Variants in DNAH7 observed in about 807,000 individuals in gnomAD.
DNAH7 encodes axonemal beta dynein heavy chain 7.
DNAH7 carries 397 observed loss-of-function variants against 444.6 expected under a neutral mutation model. The observed-to-expected ratio is 0.89, with a 90% CI of 0.82 to 0.97. The LOEUF (loss-of-function observed/expected upper bound fraction) is 0.97, where lower values mean the gene tolerates loss of function less well. Ranked by LOEUF, DNAH7 falls within the 50% of genes least tolerant of loss-of-function variation. The pLI is 0.00. For synonymous variants in DNAH7, 1,636 were observed against 1,624.4 expected, an observed-to-expected ratio of 1.01 and a Z score of -0.17; for missense variants, 4,902 against 4,800.8, an observed-to-expected ratio of 1.02 and a Z score of -0.62.
chr2:195,961,297 G>A (rs1313091637), intron 17 of DNAH7, among the ~76,000 whole-genome samples: 1 of 152,044 alleles, frequency 6.6e-6, no homozygotes, highest in Non-Finnish European at 1.5e-5. Context: ...ACAATACATT[G>A]CTATTAGCTG....
At chr2:195,962,820 C>A (rs1691200827) in intron 17 of DNAH7, among the ~76,000 whole-genome samples, 2 of 152,224 alleles carry the variant, frequency 1.3e-5, no homozygotes, top group Admixed American at 6.5e-5. Context: ...TCCATGAGTT[C>A]AATTGTTTTA....
rs764658312 is a variant in DNAH7 at position 195,858,545 on chromosome 2, C to T, written c.7996G>A (p.Asp2666Asn). 50 of 1,613,850 alleles carry T rather than the reference C, an allele frequency of 3.1e-5. No individual in the cohort carries two copies. The highest frequency in any genetic ancestry group is 1.2e-4 in the Admixed American group (7 of 59,924). ...GGCAAGGCACCTGCCAGGTCAGCAT[C>T]GCACTCATCTTTGATGGCTTTGGAA... ...MASKAIKDEC[D>N]ADLAGALPIL... is the part of the protein sequence containing the mutation. Residue 2666 changes from aspartate to asparagine, a missense_variant, in exon 43 of 65, where the codon GAT becomes AAT. Transcript: ENST00000312428.
Position 195,740,585 on chromosome 2 carries a change from ATG to A in DNAH7, c.11868+179_11868+180del, listed in dbSNP as rs71015727. 1.1e-3 allele frequency among the ~76,000 whole-genome samples: 149 copies of A among 132,376 alleles called. 1 individual carries two copies. Among genetic ancestry groups the A allele is most frequent in the African/African-American group, 2.0e-3 (69 of 34,508 alleles). 86.8% of individuals were successfully genotyped at this position (132,376 alleles called of 152,430 possible). ...CATGAATAACAAGAATTGACTGTAT[ATG>A]TGTGTGTGTGTGTGTGTGTGTGTGT... On this transcript the variant is annotated intron_variant, in intron 64 of 64. Transcript: ENST00000312428.
rs534202090 is a variant in DNAH7, at chr2:195,865,183, T to C, written c.6634-162A>G. Among the ~76,000 whole-genome samples, 181 of 152,342 alleles carry C rather than the reference T, an allele frequency of 1.2e-3. 2 individuals carry two copies. The highest frequency in any genetic ancestry group is 4.2e-3 in the African/African-American group (173 of 41,582). On this transcript the variant is annotated intron_variant, in intron 40 of 64. Transcript: ENST00000312428. Reference sequence around the variant, plus strand: ...CAGGACTGATTCACAATAATGTTATTTTAAATGTTAATTTTAACTCTATAT... The same window carrying C: ...CAGGACTGATTCACAATAATGTTATCTTAAATGTTAATTTTAACTCTATAT...
rs749368165 is a variant in DNAH7 at position 195,969,909 on chromosome 2, T to C, written c.2205+39A>G. On this transcript the variant is annotated intron_variant, in intron 17 of 64. Transcript: ENST00000312428. ...TAAAACGAATTCAATGCTTTTTCAA[T>C]TGAACTAATTCATCTTTTTAAGAAT... The C allele has an allele frequency of 2.9e-4, 456 of 1,577,852 alleles. 1 individual carries two copies. The highest frequency in any genetic ancestry group is 2.7e-4 in the Non-Finnish European group (315 of 1,165,574).
intron 19 of DNAH7, among the ~76,000 whole-genome samples, chr2:195,938,209 T>C (rs1192515756): frequency 6.6e-6 from 1 of 152,054 alleles, no homozygotes; most frequent in Non-Finnish European, 1.5e-5. Context: ...AAGAAAATAA[T>C]TATCATTACT....
At chr2:195,928,516 T>C (rs1267852832) in intron 21 of DNAH7, among the ~76,000 whole-genome samples, 2 of 152,286 alleles carry the variant, frequency 1.3e-5, no homozygotes, top group East Asian at 3.9e-4. Context: ...AAAACAGTAA[T>C]GCTATTTGTC....
intron 19 of DNAH7, among the ~76,000 whole-genome samples, chr2:195,945,778 G>C (rs1026552304): frequency 6.6e-6 from 1 of 152,192 alleles, no homozygotes; most frequent in Non-Finnish European, 1.5e-5. Context: ...ACAAGAAAAG[G>C]AAAATGTTTG....
At chr2:196,038,823 C>G (rs1696550463) in intron 5 of DNAH7, among the ~76,000 whole-genome samples, 1 of 152,084 alleles carries the variant, frequency 6.6e-6, no homozygotes. Context: ...GATCAATTCA[C>G]CAAGTAGATC....
chr2:196,006,607 T>C (rs1694391329), intron 10 of DNAH7, among the ~76,000 whole-genome samples: 1 of 150,436 alleles, frequency 6.6e-6, no homozygotes, highest in African/African-American at 2.4e-5. Flanking sequence ...AGAAGTAAAC[T>C]GTCTCTATTT....
At chr2:195,917,062 A>T (rs1385354170) in intron 24 of DNAH7, among the ~76,000 whole-genome samples, 1 of 145,012 alleles carries the variant, frequency 6.9e-6, no homozygotes, top group East Asian at 2.0e-4. Flanking sequence ...AGATTGTGCC[A>T]CGGCACTCCA....
At chr2:195,762,094 G>T (rs1574391408) in intron 61 of DNAH7, among the ~76,000 whole-genome samples, 1 of 152,040 alleles carries the variant, frequency 6.6e-6, no homozygotes, top group East Asian at 1.9e-4. Context: ...AAGCAGGAGG[G>T]ATGAAGGTAA....
rs1692725588 is a variant in DNAH7 at position 195,737,836 on chromosome 2, A to C, written c.*85T>G. On this transcript the variant is annotated 3_prime_UTR_variant, in exon 65 of 65. Coordinates refer to ENST00000312428, the MANE Select transcript of DNAH7 (RefSeq NM_018897.3). Reference sequence around the variant, plus strand: ...TTTAGTCAAATGTATTTAAACAAACAAAAAAAAAGGTTTAAGTAGTAAAAT... The same window carrying C: ...TTTAGTCAAATGTATTTAAACAAACCAAAAAAAAGGTTTAAGTAGTAAAAT... 6.4e-6 allele frequency: 7 copies of C among 1,097,558 alleles called. No individual in the cohort carries two copies. Among genetic ancestry groups the C allele is most frequent in the East Asian group, 5.5e-5 (2 of 36,434 alleles). The allele number at this position is 1,097,558 out of a possible 1,614,324, so 68.0% of individuals were successfully genotyped here.
intron 11 of DNAH7, among the ~76,000 whole-genome samples, 186 bp downstream of exon 11, chr2:196,001,487 CTT>C (rs1052640649): frequency 2.6e-5 from 4 of 152,106 alleles, no homozygotes; most frequent in Non-Finnish European, 5.9e-5. Context: ...ACCTCAGCCT[CTT>C]GAGTAGTGGG....
intron 10 of DNAH7, among the ~76,000 whole-genome samples, chr2:196,011,325 G>A (rs1284422952): frequency 2.0e-5 from 3 of 151,918 alleles, no homozygotes; most frequent in African/African-American, 7.3e-5. Flanking sequence ...TGATAAGACA[G>A]GCCTAAAGCT....
intron 27 of DNAH7, among the ~76,000 whole-genome samples, chr2:195,906,106 A>G (rs2125286927): frequency 6.6e-6 from 1 of 152,246 alleles, no homozygotes; most frequent in Admixed American, 6.5e-5. Context: ...CCCACCAAGC[A>G]TACACAATAG....
intron 19 of DNAH7, among the ~76,000 whole-genome samples, chr2:195,945,308 G>A (rs181221812): frequency 1.3e-5 from 2 of 152,208 alleles, no homozygotes; most frequent in Admixed American, 6.6e-5. Context: ...AGGACTAAAG[G>A]ATAACACCAT....
chr2:195,746,989 C>G (rs1439331961), intron 63 of DNAH7, among the ~76,000 whole-genome samples: 1 of 151,838 alleles, frequency 6.6e-6, no homozygotes, highest in Non-Finnish European at 1.5e-5. Flanking sequence ...CAAGAAATAA[C>G]TAAAATCAGA....
At chr2:195,925,482 A>G (rs935905939) in intron 22 of DNAH7, among the ~76,000 whole-genome samples, 2 of 152,216 alleles carry the variant, frequency 1.3e-5, no homozygotes, top group African/African-American at 4.8e-5. Flanking sequence ...TACTGCTATT[A>G]GGGATACTCT....
Sources: allele counts gnomAD v4.1 joint callset (sites outside exome capture counted in the v4.1 genomes callset), GRCh38; gene constraint gnomAD v4.1.1; transcripts MANE v1.5; gene names NCBI Gene and HGNC (gene_info 2026-07-23, HGNC 2026-07-21).